The following ABCB7 variants were observed in gnomAD, a reference collection of about 807,000 sequenced individuals.
ABCB7 encodes ATP binding cassette subfamily B member 7.
A neutral mutation model predicts 54.4 loss-of-function variants in ABCB7; 7 were observed. That is an observed-to-expected ratio of 0.13 (90% CI 0.07 to 0.24). ABCB7 has a LOEUF of 0.24. ABCB7 is among the 10% of genes least tolerant of loss of function. The probability of loss-of-function intolerance (pLI) is 1.00; values close to 1 mark genes in which losing one functional copy is unlikely to be tolerated. For missense variants in ABCB7, 356 were observed against 570.4 expected (o/e 0.62, Z 3.83); for synonymous variants, 218 against 207.1 (o/e 1.05, Z -0.45).
At chrX:75,060,609 T>G (rs368711488) in intron 14 of ABCB7, among the ~76,000 whole-genome samples, 2 of 111,792 alleles carry the variant, frequency 1.8e-5, no homozygotes, top group South Asian at 7.4e-4. Context: ...AGAAAGTAGA[T>G]ATTTTCTATA....
intron 8 of ABCB7, among the ~76,000 whole-genome samples, chrX:75,073,218 A>C (rs1287514268): frequency 1.8e-5 from 2 of 112,118 alleles, no homozygotes; most frequent in Non-Finnish European, 3.8e-5. Flanking sequence ...AACGTGTAAA[A>C]ATACATATAC....
chrX:75,130,084 T>C (rs987019633), intron 1 of ABCB7, among the ~76,000 whole-genome samples: 2 of 111,864 alleles, frequency 1.8e-5, no homozygotes, highest in Admixed American at 1.9e-4. Context: ...ACTGACAATA[T>C]TAGCAATGTC....
At chrX:75,118,903 T>C (rs2081848347) in intron 1 of ABCB7, among the ~76,000 whole-genome samples, 1 of 111,376 alleles carries the variant, frequency 9.0e-6, no homozygotes, top group Admixed American at 9.6e-5. Flanking sequence ...CCTTAATTTC[T>C]GGAGATCTGT....
intron 5 of ABCB7, 108 bp downstream of exon 5, chrX:75,076,414 T>A: frequency 9.0e-6 from 9 of 995,525 alleles, no homozygotes; most frequent in Non-Finnish European, 1.3e-5. Flanking sequence ...ACAACAAACA[T>A]CCAAAACGCT....
intron 12 of ABCB7, among the ~76,000 whole-genome samples, chrX:75,066,840 A>G (rs186312060): frequency 7.2e-5 from 8 of 111,305 alleles, no homozygotes; most frequent in East Asian, 2.8e-4. Context: ...TTGTATTTGC[A>G]TATTTTTCAT....
At chrX:75,155,898 T>C (rs1197583040) in intron 1 of ABCB7, among the ~76,000 whole-genome samples, 2 of 111,272 alleles carry the variant, frequency 1.8e-5, no homozygotes, top group Non-Finnish European at 3.8e-5. Context: ...CAGAACCTCC[T>C]GCCCCGTTTC....
At chrX:75,096,522 T>G (rs2081592959) in intron 4 of ABCB7, among the ~76,000 whole-genome samples, 1 of 111,687 alleles carries the variant, frequency 9.0e-6, no homozygotes, top group Admixed American at 9.5e-5. Context: ...TGTCTTCTAT[T>G]TCCTTCTATT....
intron 4 of ABCB7, among the ~76,000 whole-genome samples, chrX:75,087,532 T>C (rs182214888): frequency 1.9e-4 from 21 of 112,125 alleles, no homozygotes; most frequent in African/African-American, 5.5e-4. Context: ...ATATAAAGTT[T>C]GCTCTGGGCA....
intron 4 of ABCB7, among the ~76,000 whole-genome samples, chrX:75,093,548 G>A (rs2081561382): frequency 9.0e-6 from 1 of 110,682 alleles, no homozygotes; most frequent in South Asian, 3.8e-4. Flanking sequence ...AATACAAAAA[G>A]TGAATCCTAA....
intron 3 of ABCB7, among the ~76,000 whole-genome samples, chrX:75,106,666 A>C (rs1314256607): frequency 8.9e-6 from 1 of 111,930 alleles, no homozygotes; most frequent in Admixed American, 9.4e-5. Context: ...AGGGAAACAA[A>C]TCATATAAAA....
At chrX:75,133,696 G>T (rs770672543) in intron 1 of ABCB7, among the ~76,000 whole-genome samples, 1 of 112,009 alleles carries the variant, frequency 8.9e-6, no homozygotes, top group Admixed American at 9.5e-5. Context: ...TTAAAGAAAA[G>T]AAATTCTAGC....
At chrX:75,097,390 T>C (rs2081600596) in intron 4 of ABCB7, 1 of 111,866 alleles carries the variant, frequency 8.9e-6, no homozygotes, top group Non-Finnish European at 1.9e-5. Flanking sequence ...ATGATGGTGG[T>C]TCCTAACTTT....
intron 1 of ABCB7, among the ~76,000 whole-genome samples, chrX:75,153,760 G>GTATATA (rs55904708): frequency 1.1e-5 from 1 of 94,140 alleles, no homozygotes; most frequent in African/African-American, 3.8e-5. Context: ...GTGTGTGTGT[G>GTATATA]TATATATATA....
At position 75,071,516 on chromosome X, in the gene ABCB7, A is replaced by T. The variant is rs72554634; in HGVS notation, c.1200T>A (p.Ile400=). ...TAGCCACAGACTCATTACCTGCCAC[A>T]ATTCCCTGACTGGCGAGCACCATTA... ...TAIMVLASQG[I]VAGTLTVGDL... The change falls in exon 9 of 16, where the codon ATT becomes ATA. Residue 400 remains isoleucine, a synonymous_variant. Coordinates refer to ENST00000373394, the MANE Select transcript of ABCB7 (RefSeq NM_001271696.3). 40 of 1,209,116 alleles carry T rather than the reference A, an allele frequency of 3.3e-5. No individual in the cohort carries two copies. Among genetic ancestry groups the T allele is most frequent in the Non-Finnish European group, 4.2e-5 (38 of 894,945 alleles).
At chrX:75,121,448 T>C (rs916668764) in intron 1 of ABCB7, among the ~76,000 whole-genome samples, 6 of 111,875 alleles carry the variant, frequency 5.4e-5, no homozygotes, top group Non-Finnish European at 1.1e-4. Flanking sequence ...TCAAGAACTA[T>C]GGTATACTTG....
intron 1 of ABCB7, among the ~76,000 whole-genome samples, chrX:75,126,596 A>G (rs2081931036): frequency 9.1e-6 from 1 of 110,123 alleles, no homozygotes; most frequent in Admixed American, 9.7e-5. Context: ...AAATGCTTCA[A>G]AAAAAAAATC....
chrX:75,139,220 TC>T (rs1362776967), intron 1 of ABCB7, among the ~76,000 whole-genome samples: 12 of 111,034 alleles, frequency 1.1e-4, no homozygotes, highest in Non-Finnish European at 1.7e-4. Flanking sequence ...CCCTAATAAC[TC>T]CAAACACCCT....
intron 1 of ABCB7, among the ~76,000 whole-genome samples, chrX:75,141,832 A>G (rs903650431): frequency 2.7e-5 from 3 of 111,348 alleles, no homozygotes; most frequent in Non-Finnish European, 5.6e-5. Context: ...AACCTGGAGC[A>G]TTGTGTGATG....
intron 1 of ABCB7, among the ~76,000 whole-genome samples, chrX:75,123,844 T>A (rs1469184704): frequency 9.0e-6 from 1 of 111,708 alleles, no homozygotes; most frequent in African/African-American, 3.3e-5. Context: ...GCATATCGTT[T>A]CTGTCACAAC....
Sources: allele counts gnomAD v4.1 joint callset (sites outside exome capture counted in the v4.1 genomes callset), GRCh38; gene constraint gnomAD v4.1.1; transcripts MANE v1.5; gene names NCBI Gene and HGNC (gene_info 2026-07-23, HGNC 2026-07-21).